Variants in KDM1A observed in about 807,000 individuals in gnomAD.
The protein encoded by KDM1A is lysine-specific histone demethylase 1A.
Under a neutral mutation model 109.4 loss-of-function variants are expected in KDM1A, and 49 were observed. The ratio of observed to expected loss-of-function variants is 0.45; its 90% CI spans 0.36 to 0.57. The LOEUF (loss-of-function observed/expected upper bound fraction) is 0.57, where lower values mean the gene tolerates loss of function less well. Among genes scored for constraint, KDM1A ranks in the 20% least tolerant of loss-of-function variants. The probability of loss-of-function intolerance (pLI) is 0.00; values close to 1 mark genes in which losing one functional copy is unlikely to be tolerated. For synonymous variants in KDM1A, 380 were observed against 415.4 expected (o/e 0.91, Z 1.04); for missense variants, 668 against 1,116.6 (o/e 0.60, Z 5.73).
chr1:23,019,509 C>A lies in KDM1A; in HGVS notation c.-88C>A. On this transcript the variant is annotated 5_prime_UTR_variant, in exon 1 of 21. Coordinates refer to ENST00000400181, the MANE Select transcript of KDM1A (RefSeq NM_001009999.3). ...ACGGCGGTTGGCGGCGCGCGGGCAGCGTGAAGCGAGGCGAGGCAAGGCTTT... is the reference window on the plus strand; with the variant it reads ...ACGGCGGTTGGCGGCGCGCGGGCAGAGTGAAGCGAGGCGAGGCAAGGCTTT... 2.3e-6 allele frequency: 3 copies of A among 1,308,186 alleles called. No individual in the cohort carries two copies. The highest frequency in any genetic ancestry group is 2.9e-6 in the Non-Finnish European group (3 of 1,029,072). 81.0% of individuals were successfully genotyped at this position (1,308,186 alleles called of 1,614,324 possible).
intron 1 of KDM1A, among the ~76,000 whole-genome samples, chr1:23,023,476 A>C (rs1427707671): frequency 1.3e-5 from 2 of 152,196 alleles, no homozygotes; most frequent in Non-Finnish European, 2.9e-5. Context: ...CTCAGCGAAT[A>C]GTTGGCACCC....
Position 23,019,588 on chromosome 1 carries a change from CGGCCCGAG to C in KDM1A, c.-8_-1del. 2 of 1,400,196 alleles carry C rather than the reference CGGCCCGAG, an allele frequency of 1.4e-6. No individual in the cohort carries two copies. Among genetic ancestry groups the C allele is most frequent in the Non-Finnish European group, 1.8e-6 (2 of 1,086,100 alleles). 86.7% of individuals were successfully genotyped at this position (1,400,196 alleles called of 1,614,324 possible). A position where few individuals can be genotyped will look rare whatever the true frequency, so the allele number is the denominator to read the frequency against. On this transcript the variant is annotated 5_prime_UTR_variant, in exon 1 of 21. Coordinates refer to ENST00000400181, the MANE Select transcript of KDM1A (RefSeq NM_001009999.3). Reference sequence around the variant, plus strand: ...GCCCCTACGGCCGTCGGCGGCCCGGCGGCCCGAGATGTTATCTGGGAAGAAGGCGGCAG... The same window carrying C: ...GCCCCTACGGCCGTCGGCGGCCCGGCATGTTATCTGGGAAGAAGGCGGCAG...
intron 7 of KDM1A, among the ~76,000 whole-genome samples, chr1:23,056,875 A>G (rs903943734): frequency 6.6e-5 from 10 of 151,670 alleles, no homozygotes; most frequent in African/African-American, 9.7e-5. Flanking sequence ...TTATCGCTAC[A>G]ACTCAGCCAT....
At chr1:23,045,801 T>G (rs1296004569) in intron 3 of KDM1A, among the ~76,000 whole-genome samples, 1 of 152,202 alleles carries the variant, frequency 6.6e-6, no homozygotes, top group African/African-American at 2.4e-5. Flanking sequence ...GAATTTTAAG[T>G]GTTTCCAGGA....
chr1:23,082,029 A>T, intron 19 of KDM1A, 191 bp from the exon 20 acceptor site: 1 of 540,310 alleles, frequency 1.9e-6, no homozygotes, highest in South Asian at 2.5e-5. Flanking sequence ...ATGGAGGGGC[A>T]TCCTTCCTGT....
chr1:23,079,094 C>T lies in KDM1A; in HGVS notation c.1972C>T (p.Pro658Ser), dbSNP rs1463500275. 6.2e-7 allele frequency: 1 copy of T among 1,614,046 alleles called. No individual in the cohort carries two copies. Among genetic ancestry groups the T allele is most frequent in the African/African-American group, 1.3e-5 (1 of 74,916 alleles). ...TCCCCTGGGTGTGCTGAAGCAGCAGCCACCAGCCGTTCAGTTTGTGCCACC... is the reference window on the plus strand; with the variant it reads ...TCCCCTGGGTGTGCTGAAGCAGCAGTCACCAGCCGTTCAGTTTGTGCCACC... The part of the protein sequence containing the change: ...TLPLGVLKQQ[P>S]PAVQFVPPLP... The change falls in exon 17 of 21, where the codon CCA becomes TCA. Residue 658 changes from proline to serine, a missense_variant. Coordinates refer to ENST00000400181, the MANE Select transcript of KDM1A (RefSeq NM_001009999.3). The surrounding 1 kb of genome is among the most constrained non-coding windows in gnomAD (Gnocchi z 5.6).
chr1:23,053,104 AT>A (rs1642719959), intron 4 of KDM1A, among the ~76,000 whole-genome samples: 1 of 152,164 alleles, frequency 6.6e-6, no homozygotes, highest in Non-Finnish European at 1.5e-5. Flanking sequence ...ACCTCGACAT[AT>A]CTAGTTGATC....
Position 23,057,499 on chromosome 1 carries a change from C to A in KDM1A, c.1006C>A (p.Arg336=). Residue 336 remains arginine (R), a synonymous_variant, in exon 8 of 21, where the codon CGA becomes AGA. Transcript: ENST00000400181. ...LLEARDRVGG[R]VATFRKGNYV... The stretch of plus-strand genomic sequence containing the variant: ...TCTGAAACAGGATCGTGTGGGTGGA[C>A]GAGTTGCCACATTTCGCAAAGGAAA... 6.2e-7 allele frequency: 1 copy of A among 1,613,594 alleles called. No homozygotes were observed. Among genetic ancestry groups the A allele is most frequent in the Non-Finnish European group, 8.5e-7 (1 of 1,179,728 alleles).
intron 3 of KDM1A, among the ~76,000 whole-genome samples, chr1:23,046,193 T>A (rs1344885316): frequency 6.6e-6 from 1 of 152,178 alleles, no homozygotes; most frequent in East Asian, 1.9e-4. Context: ...CCCAGGGATC[T>A]TGCTTCTTAG....
chr1:23,038,721 C>G (rs1355614182), intron 2 of KDM1A, among the ~76,000 whole-genome samples: 1 of 152,224 alleles, frequency 6.6e-6, no homozygotes, highest in Non-Finnish European at 1.5e-5. Flanking sequence ...TGGAAGTCTT[C>G]AAGCACATAT....
intron 16 of KDM1A, 74 bp downstream of exon 16, chr1:23,077,434 A>G (rs1026022220): frequency 3.4e-6 from 5 of 1,471,894 alleles, no homozygotes; most frequent in Admixed American, 2.1e-5. Flanking sequence ...GGTGCGACCT[A>G]TCAGGTACAT....
intron 2 of KDM1A, among the ~76,000 whole-genome samples, chr1:23,031,139 G>A (rs1641969702): frequency 6.6e-6 from 1 of 152,066 alleles, no homozygotes. Context: ...ATATATATAG[G>A]CCAGAAAATC....
intron 2 of KDM1A, among the ~76,000 whole-genome samples, chr1:23,038,363 A>C (rs1377809582): frequency 6.6e-6 from 1 of 151,868 alleles, no homozygotes. Flanking sequence ...TTTCTAACAT[A>C]GTTTTTTTTT....
At chr1:23,052,771 C>G (rs1642709749) in intron 4 of KDM1A, among the ~76,000 whole-genome samples, 1 of 152,098 alleles carries the variant, frequency 6.6e-6, no homozygotes, top group Admixed American at 6.5e-5. Context: ...GGTGTCTTCT[C>G]TGATTGCTTT....
At position 23,071,224 on chromosome 1, in the gene KDM1A, G is replaced by C; in HGVS notation, c.1414-1G>C. 6.3e-7 allele frequency: 1 copy of C among 1,596,114 alleles called. No homozygotes were observed. Among genetic ancestry groups the C allele is most frequent in the Non-Finnish European group, 8.5e-7 (1 of 1,172,978 alleles). On this transcript the variant is annotated splice_acceptor_variant, in intron 12 of 20. Transcript: ENST00000400181. LOFTEE classifies it high-confidence loss of function. ...GGTAAATTTGTATTTTTCCTTCTTA[G>C]ATGGTAAATTTGAAAGAGAAAATTA...
chr1:23,046,004 AC>A (rs1557536372), intron 3 of KDM1A, among the ~76,000 whole-genome samples: 1 of 152,138 alleles, frequency 6.6e-6, no homozygotes, highest in African/African-American at 2.4e-5. Flanking sequence ...CTTAAAACCC[AC>A]CTCAAGTTGG....
intron 7 of KDM1A, 27 bp downstream of exon 7, chr1:23,056,065 G>T (rs1274785288): frequency 6.9e-7 from 1 of 1,458,278 alleles, no homozygotes; most frequent in Non-Finnish European, 9.6e-7. Context: ...GAGTTTAGAG[G>T]CTTGACCTAT....
intron 5 of KDM1A, 94 bp downstream of exon 5, chr1:23,053,933 T>C (rs1243154266): frequency 5.6e-6 from 4 of 709,274 alleles, no homozygotes; most frequent in Non-Finnish European, 7.6e-6. Context: ...AATTAATTTT[T>C]TCATTCATAT....
At chr1:23,038,007 A>G (rs1279302963) in intron 2 of KDM1A, among the ~76,000 whole-genome samples, 1 of 152,232 alleles carries the variant, frequency 6.6e-6, no homozygotes, top group African/African-American at 2.4e-5. Flanking sequence ...ACAAAATGAG[A>G]CTTGTTATGA....
Sources: allele counts gnomAD v4.1 joint callset (sites outside exome capture counted in the v4.1 genomes callset), GRCh38; gene constraint gnomAD v4.1.1; non-coding constraint Gnocchi (gnomAD v3.1); transcripts MANE v1.5; gene names NCBI Gene and HGNC (gene_info 2026-07-23, HGNC 2026-07-21).